Variants in KLHL8 observed in about 807,000 individuals in gnomAD.
KLHL8 encodes the protein kelch like family member 8.
In KLHL8, 38 loss-of-function variants were observed where a neutral mutation model predicts 63.5. The ratio of observed to expected loss-of-function variants is 0.60; its 90% confidence interval spans 0.46 to 0.78. KLHL8 has a LOEUF of 0.78. KLHL8 is among the 30% of genes least tolerant of loss of function. The pLI is 0.00. For synonymous variants in KLHL8, 224 were observed against 254.3 expected, an observed-to-expected ratio of 0.88 and a Z score of 1.13; for missense variants, 566 against 752.4, an observed-to-expected ratio of 0.75 and a Z score of 2.90.
chr4:87,179,950 A>G (rs1730988091), intron 4 of KLHL8, among the ~76,000 whole-genome samples: 1 of 152,204 alleles, frequency 6.6e-6, no homozygotes, highest in South Asian at 2.1e-4. Flanking sequence ...GGATAAGTCC[A>G]AGAATTTGCA....
chr4:87,234,429 T>C lies in KLHL8; in HGVS notation n.57+5829A>G, dbSNP rs556996094. On this transcript the variant is annotated intron_variant and non_coding_transcript_variant, in intron 1 of 1. Transcript: ENST00000506274. ...ACTCAGCCTGGCAACAGAGTGAGTC[T>C]CTGTCTCAAAAAAAAAAAAAAAGAT... Among the ~76,000 whole-genome samples, 212 of 134,950 alleles carry C rather than the reference T, an allele frequency of 1.6e-3. 2 individuals are homozygous for C. The highest frequency in any genetic ancestry group is 5.4e-3 in the African/African-American group (188 of 34,962). 88.5% of individuals were successfully genotyped at this position (134,950 alleles called of 152,430 possible).
At chr4:87,207,660 TG>T in intron 1 of KLHL8, 1 of 1,152,822 alleles carries the variant, frequency 8.7e-7, no homozygotes, top group Non-Finnish European at 1.3e-6. Flanking sequence ...ATGGCCCCTC[TG>T]GGAAACTGTG....
rs767031411 is a variant in KLHL8 at position 87,183,400 on chromosome 4, G to T, written c.766-11C>A. 1 of 1,563,728 alleles carries T rather than the reference G, an allele frequency of 6.4e-7. No homozygotes were observed. Among genetic ancestry groups the T allele is most frequent in the Non-Finnish European group, 8.7e-7 (1 of 1,148,538 alleles). ...CAATGGCAGGCGAACCTAAGATCATGAATAGTTGCAATACAACAAATTTTA... is the reference window on the plus strand; with the variant it reads ...CAATGGCAGGCGAACCTAAGATCATTAATAGTTGCAATACAACAAATTTTA... On this transcript the variant is annotated splice_polypyrimidine_tract_variant and intron_variant, in intron 3 of 9. Coordinates refer to ENST00000273963, the MANE Select transcript of KLHL8 (RefSeq NM_020803.5).
At chr4:87,181,676 T>C (rs1731058212) in intron 4 of KLHL8, among the ~76,000 whole-genome samples, 1 of 152,098 alleles carries the variant, frequency 6.6e-6, no homozygotes, top group Non-Finnish European at 1.5e-5. Flanking sequence ...CTTCGGCATA[T>C]TTTTAACTTA....
chr4:87,211,482 G>A (rs1399440944), intron 1 of KLHL8, among the ~76,000 whole-genome samples: 1 of 152,064 alleles, frequency 6.6e-6, no homozygotes, highest in Non-Finnish European at 1.5e-5. Context: ...ACAAATTACT[G>A]CCGTGACTTT....
intron 1 of KLHL8, among the ~76,000 whole-genome samples, chr4:87,213,598 T>C (rs933986983): frequency 6.6e-6 from 1 of 152,176 alleles, no homozygotes; most frequent in Non-Finnish European, 1.5e-5. Context: ...AGATTACTAC[T>C]AGCTACATTA....
rs1326941433 is a variant in KLHL8 at position 87,160,633 on chromosome 4, T to C, written c.*2886A>G. 1 of 152,186 alleles carries C rather than the reference T, an allele frequency of 6.6e-6. No individual in the cohort carries two copies. Among genetic ancestry groups the C allele is most frequent in the Admixed American group, 6.5e-5 (1 of 15,282 alleles). The allele number at this position is 152,186 out of a possible 1,614,324, so 9.4% of individuals were successfully genotyped here. A position where few individuals can be genotyped will look rare whatever the true frequency, so the allele number is the denominator to read the frequency against. On this transcript the variant is annotated 3_prime_UTR_variant, in exon 10 of 10. Transcript: ENST00000273963. ...ATAATCAATTAATTACATAAGTATA[T>C]AGTGAAATCTGTCAAAAACAATGTC...
At chr4:87,175,476 T>C (rs907479622) in intron 6 of KLHL8, among the ~76,000 whole-genome samples, 2 of 152,200 alleles carry the variant, frequency 1.3e-5, no homozygotes, top group Admixed American at 1.3e-4. Context: ...CTCGTGGGAT[T>C]GAGTTTTTAA....
At chr4:87,224,502 G>A (rs926033545), upstream of KLHL8, among the ~76,000 whole-genome samples, 13 of 152,190 alleles carry the variant, frequency 8.5e-5, no homozygotes, top group African/African-American at 3.1e-4. Context: ...CAACCAGAGA[G>A]CAGGTCCCAG....
intron 1 of KLHL8, among the ~76,000 whole-genome samples, chr4:87,206,412 A>T (rs1392705704): frequency 1.3e-5 from 2 of 152,238 alleles, no homozygotes; most frequent in Non-Finnish European, 2.9e-5. Flanking sequence ...TCTACCTTCC[A>T]GTCTTTTTCT....
intron 1 of KLHL8, chr4:87,207,454 C>T (rs1347365278): frequency 1.4e-6 from 1 of 726,750 alleles, no homozygotes; most frequent in Admixed American, 1.8e-5. Context: ...CATCTCTCCC[C>T]ACTTTGTTGA....
chr4:87,163,422 G>C lies in KLHL8; in HGVS notation c.*97C>G. On this transcript the variant is annotated 3_prime_UTR_variant, in exon 10 of 10. Coordinates refer to ENST00000273963, the MANE Select transcript of KLHL8 (RefSeq NM_020803.5). ...CAGTTAACATTTAAATAAGACTCTA[G>C]TTGCAGTAAAAAGTGTTGAAAGGTG... 1.6e-6 allele frequency: 2 copies of C among 1,216,886 alleles called. No individual in the cohort carries two copies. Among genetic ancestry groups the C allele is most frequent in the Non-Finnish European group, 2.3e-6 (2 of 859,166 alleles). The allele number at this position is 1,216,886 out of a possible 1,614,324, so 75.4% of individuals were successfully genotyped here. A position where few individuals can be genotyped will look rare whatever the true frequency, so the allele number is the denominator to read the frequency against.
chr4:87,163,845 T>A, intron 9 of KLHL8, 33 bp downstream of exon 9: 1 of 1,597,366 alleles, frequency 6.3e-7, no homozygotes, highest in Non-Finnish European at 8.6e-7. Flanking sequence ...TACCAGAAGA[T>A]AATATAAAGC....
At chr4:87,164,884 C>T (rs889372404) in intron 8 of KLHL8, among the ~76,000 whole-genome samples, 1 of 152,040 alleles carries the variant, frequency 6.6e-6, no homozygotes. Flanking sequence ...CGCGGTGGCT[C>T]ACGCCTGTAA....
intron 2 of KLHL8, among the ~76,000 whole-genome samples, chr4:87,187,061 A>C (rs892743361): frequency 2.0e-5 from 3 of 152,166 alleles, no homozygotes; most frequent in Admixed American, 6.5e-5. Flanking sequence ...ATAGCACACT[A>C]GTGAACTTCT....
intron 6 of KLHL8, among the ~76,000 whole-genome samples, chr4:87,174,272 A>G (rs1048419925): frequency 6.6e-6 from 1 of 151,440 alleles, no homozygotes; most frequent in East Asian, 1.9e-4. Context: ...ATATATATAT[A>G]TCACCTGCAA....
intron 1 of KLHL8, chr4:87,207,242 T>C (rs1732166802): frequency 3.5e-6 from 2 of 567,268 alleles, no homozygotes; most frequent in South Asian, 3.1e-5. Flanking sequence ...GGATTTTACC[T>C]ATGGCAAATT....
At position 87,200,584 on chromosome 4, in the gene KLHL8, T is replaced by C. The variant is rs182899189; in HGVS notation, c.-151-4894A>G. On this transcript the variant is annotated intron_variant, in intron 1 of 9. Transcript: ENST00000273963. The stretch of plus-strand genomic sequence containing the variant: ...AATATCACTAATCATCAGGGAGATG[T>C]AGATCAAAATCATGAGATATCACCT... Among the ~76,000 whole-genome samples the C allele has an allele frequency of 2.6e-3, 391 of 152,304 alleles. 1 individual carries two copies. Among genetic ancestry groups the C allele is most frequent in the African/African-American group, 9.2e-3 (384 of 41,564 alleles).
At chr4:87,199,665 CA>C (rs113786416) in intron 1 of KLHL8, among the ~76,000 whole-genome samples, 101,159 of 144,320 alleles carry the variant, frequency 0.7, 37,592 homozygotes, top group Middle Eastern at 0.85. Context: ...AAAAAAAAAA[CA>C]AAAAAAAAAA....
Sources: allele counts gnomAD v4.1 joint callset (sites outside exome capture counted in the v4.1 genomes callset), GRCh38; gene constraint gnomAD v4.1.1; transcripts MANE v1.5; gene names NCBI Gene and HGNC (gene_info 2026-07-23, HGNC 2026-07-21).